The following ARHGEF12 variants were observed in gnomAD, a reference collection of about 807,000 sequenced individuals.
ARHGEF12 encodes KMT2A/ARHGEF12 fusion protein.
ARHGEF12 carries 66 observed loss-of-function variants against 211.2 expected under a neutral mutation model. The ratio of observed to expected loss-of-function variants is 0.31; its 90% CI spans 0.26 to 0.38. ARHGEF12 has a LOEUF of 0.38. ARHGEF12 is among the 10% of genes least tolerant of loss of function. The probability of loss-of-function intolerance (pLI) is 1.00; values close to 1 mark genes in which losing one functional copy is unlikely to be tolerated. For synonymous variants in ARHGEF12, 592 were observed against 638.4 expected (o/e 0.93, Z 1.09); for missense variants, 1,429 against 1,869.5 (o/e 0.76, Z 4.34).
At chr11:120,460,958 A>G (rs534317792) in intron 27 of ARHGEF12, among the ~76,000 whole-genome samples, 22 of 152,302 alleles carry the variant, frequency 1.4e-4, no homozygotes, top group Non-Finnish European at 3.1e-4. Context: ...TTATCCATTA[A>G]AAGTCATACC....
chr11:120,457,172 C>G lies in ARHGEF12; in HGVS notation c.2111C>G (p.Pro704Arg). ...SAPGDTLDGT[P>R]RTLNTVFDFP... ...CCTGGAGACACCTTAGATGGCACAC[C>G]TCGTACTCTCAATACTGTCTTTGAT... Residue 704 changes from proline (P) to arginine (R), a missense_variant, in exon 23 of 41, where the codon CCT becomes CGT. By Grantham distance (103) the Pro-to-Arg change is moderately radical (BLOSUM62 -2). This residue lies in a region of ARHGEF12 where 373 missense variants were observed against 467.5 expected (regional missense o/e 0.80). Coordinates refer to ENST00000397843, the MANE Select transcript of ARHGEF12 (RefSeq NM_015313.3). 6.2e-7 allele frequency: 1 copy of G among 1,614,044 alleles called. No individual in the cohort carries two copies. Among genetic ancestry groups the G allele is most frequent in the Non-Finnish European group, 8.5e-7 (1 of 1,179,966 alleles).
chr11:120,447,615 C>T (rs1417057589), intron 18 of ARHGEF12, among the ~76,000 whole-genome samples: 1 of 151,814 alleles, frequency 6.6e-6, no homozygotes, highest in Non-Finnish European at 1.5e-5. Flanking sequence ...GCCAAGAGTT[C>T]GAGACCAAGC....
At chr11:120,395,926 T>C (rs1944369079) in intron 1 of ARHGEF12, among the ~76,000 whole-genome samples, 1 of 152,158 alleles carries the variant, frequency 6.6e-6, no homozygotes, top group Non-Finnish European at 1.5e-5. Flanking sequence ...CTCTCTCTGC[T>C]GAGAGGGCCT....
chr11:120,457,760 A>G lies in ARHGEF12; in HGVS notation c.2225+4A>G. 5.6e-6 allele frequency: 9 copies of G among 1,608,536 alleles called. No homozygotes were observed. Among genetic ancestry groups the G allele is most frequent in the Non-Finnish European group, 7.6e-6 (9 of 1,177,600 alleles). ...GGACACCAAAGCCCTTTCGAAAGTA[A>G]GTAAATCTTAAGCAGCTTTCAATAA... is the stretch of plus-strand genomic sequence containing the variant. On this transcript the variant is annotated splice_donor_region_variant and intron_variant, in intron 24 of 40. Transcript: ENST00000397843.
chr11:120,409,548 A>G (rs1220536485), intron 4 of ARHGEF12, 98 bp downstream of exon 4: 13 of 1,249,796 alleles, frequency 1.0e-5, no homozygotes, highest in Admixed American at 4.0e-5. Flanking sequence ...TTTTTAAATA[A>G]CTGCAGCCTT....
chr11:120,342,433 C>T (rs939171906), intron 1 of ARHGEF12, among the ~76,000 whole-genome samples: 9 of 152,106 alleles, frequency 5.9e-5, no homozygotes, highest in Admixed American at 5.9e-4. Flanking sequence ...TGCTCTCCTC[C>T]CATTTTATGT....
intron 20 of ARHGEF12, 125 bp from the exon 21 acceptor site, chr11:120,448,984 C>A: frequency 4.1e-6 from 3 of 740,204 alleles, no homozygotes; most frequent in Non-Finnish European, 6.7e-6. Flanking sequence ...TGTGCATACA[C>A]ACGTGTACGG....
At chr11:120,458,311 A>T (rs1946425467) in intron 25 of ARHGEF12, 77 bp downstream of exon 25, 11 of 1,557,302 alleles carry the variant, frequency 7.1e-6, no homozygotes, top group Non-Finnish European at 8.7e-6. Flanking sequence ...TCAGCCTTGG[A>T]GTTTGCTTCA....
At chr11:120,402,895 T>G (rs1191089637) in intron 1 of ARHGEF12, among the ~76,000 whole-genome samples, 2 of 152,250 alleles carry the variant, frequency 1.3e-5, no homozygotes, top group Non-Finnish European at 2.9e-5. Flanking sequence ...AAAGAAATTC[T>G]GTTTAACAAT....
In ARHGEF12 at chr11:120,487,063, GTT is replaced by G. The variant is rs1947414271; in HGVS notation, c.*1987_*1988del. 4.6e-6 allele frequency: 1 copy of G among 216,746 alleles called. No homozygotes were observed. Among genetic ancestry groups the G allele is most frequent in the Admixed American group, 5.8e-5 (1 of 17,204 alleles). 13.4% of individuals were successfully genotyped at this position (216,746 alleles called of 1,614,324 possible). On this transcript the variant is annotated 3_prime_UTR_variant, in exon 41 of 41. Transcript: ENST00000397843. ...AATAATGTCATTCTCAATTAAAAGG[GTT>G]ACACCTGTAGCCACTTGACACTAAC...
intron 22 of ARHGEF12, among the ~76,000 whole-genome samples, chr11:120,456,805 G>A (rs1011441204): frequency 6.6e-6 from 1 of 152,096 alleles, no homozygotes; most frequent in African/African-American, 2.4e-5. Flanking sequence ...ACTAGCCTGG[G>A]CAAAGTAGCA....
At chr11:120,482,572 C>T (rs926448558) in intron 39 of ARHGEF12, among the ~76,000 whole-genome samples, 3 of 151,912 alleles carry the variant, frequency 2.0e-5, no homozygotes, top group Non-Finnish European at 4.4e-5. Flanking sequence ...GGTGAAACCC[C>T]GTCTCTACTA....
intron 1 of ARHGEF12, among the ~76,000 whole-genome samples, chr11:120,343,975 G>T (rs1036634637): frequency 1.3e-5 from 2 of 152,022 alleles, no homozygotes; most frequent in African/African-American, 2.4e-5. Context: ...TTTTGTTGTA[G>T]AAAAACTGGC....
chr11:120,378,719 G>A (rs565556664), intron 1 of ARHGEF12, among the ~76,000 whole-genome samples: 1 of 152,332 alleles, frequency 6.6e-6, no homozygotes, highest in East Asian at 1.9e-4. Flanking sequence ...ACCATTTGCA[G>A]AAAAGACTGT....
At chr11:120,368,478 G>C (rs41334351) in intron 1 of ARHGEF12, among the ~76,000 whole-genome samples, 1,927 of 152,160 alleles carry the variant, frequency 0.013, 31 homozygotes, top group African/African-American at 0.043. Context: ...ATCGGCATTT[G>C]TTTATTACCT....
intron 21 of ARHGEF12, 192 bp downstream of exon 21, chr11:120,449,406 A>G (rs140724015): frequency 3.4e-5 from 18 of 536,170 alleles, no homozygotes; most frequent in African/African-American, 3.2e-4. Flanking sequence ...AATTGTCATA[A>G]ACATCTTTCG....
rs1491021182 is a variant in ARHGEF12 at position 120,477,873 on chromosome 11, AAG to A, written c.3533-281_3533-280del. Among the ~76,000 whole-genome samples, 9 of 149,844 alleles carry A rather than the reference AAG, an allele frequency of 6.0e-5. 1 individual carries two copies. The highest frequency in any genetic ancestry group is 6.6e-5 in the Admixed American group (1 of 15,114). On this transcript the variant is annotated intron_variant, in intron 36 of 40. Transcript: ENST00000397843. ...CAAGACCGAAACACCAAAAAAAAAAAAGAAAAAAAGAAAAAAAAGAAAATAAA... is the reference window on the plus strand; with the variant it reads ...CAAGACCGAAACACCAAAAAAAAAAAAAAAAAAGAAAAAAAAGAAAATAAA...
At chr11:120,465,472 AC>A in intron 28 of ARHGEF12, 110 bp downstream of exon 28, 1 of 1,433,264 alleles carries the variant, frequency 7.0e-7, no homozygotes, top group Non-Finnish European at 9.4e-7. Context: ...ATCTGTGTTA[AC>A]TTTTTTTTTT....
At chr11:120,363,833 A>G (rs1943347099) in intron 1 of ARHGEF12, among the ~76,000 whole-genome samples, 1 of 152,202 alleles carries the variant, frequency 6.6e-6, no homozygotes, top group Non-Finnish European at 1.5e-5. Flanking sequence ...AGGGGATTTG[A>G]TAGCTTCTGA....
Sources: gnomAD v4.1 joint callset for allele counts (sites outside exome capture counted in the v4.1 genomes callset) on GRCh38, gnomAD v4.1.1 for gene constraint, gnomAD v4.1.1 regional missense constraint, MANE v1.5 for transcripts, NCBI Gene and HGNC (gene_info 2026-07-23, HGNC 2026-07-21) for gene names.